KAZN: variants seen among roughly 807,000 people sequenced by gnomAD.
The protein encoded by KAZN is kazrin, periplakin interacting protein.
In KAZN, 40 loss-of-function variants were observed where a neutral mutation model predicts 87.4. The ratio of observed to expected loss-of-function variants is 0.46; its 90% confidence interval spans 0.36 to 0.60. The LOEUF (loss-of-function observed/expected upper bound fraction) is 0.60, where lower values mean the gene tolerates loss of function less well. KAZN is among the 20% of genes least tolerant of loss of function. KAZN has a pLI of 0.00. For synonymous variants in KAZN, 466 were observed against 458.3 expected (o/e 1.02, Z -0.22); for missense variants, 898 against 1,073.9 (o/e 0.84, Z 2.29).
intron 1 of KAZN, among the ~76,000 whole-genome samples, chr1:13,988,164 G>A (rs1182106468): frequency 6.6e-6 from 1 of 152,080 alleles, no homozygotes; most frequent in Non-Finnish European, 1.5e-5. Context: ...CATAACAGAA[G>A]GAGACAAATA....
chr1:14,480,954 TATTA>T (rs1296987929), intron 2 of KAZN, among the ~76,000 whole-genome samples: 1 of 149,094 alleles, frequency 6.7e-6, no homozygotes, highest in South Asian at 2.1e-4. Context: ...ATGTATTATT[TATTA>T]CTTATATATA....
At chr1:14,011,437 AACC>A (rs1640307846) in intron 1 of KAZN, among the ~76,000 whole-genome samples, 1 of 152,128 alleles carries the variant, frequency 6.6e-6, no homozygotes, top group Non-Finnish European at 1.5e-5. Context: ...TGACGACAAA[AACC>A]ACCATGCACT....
At chr1:14,605,240 T>G (rs140323433) in intron 1 of KAZN, among the ~76,000 whole-genome samples, 1 of 152,222 alleles carries the variant, frequency 6.6e-6, no homozygotes, top group Non-Finnish European at 1.5e-5. Context: ...ACTGGTTTCA[T>G]TGCTTTGGTC....
intron 2 of KAZN, among the ~76,000 whole-genome samples, chr1:14,458,296 G>C (rs1667678410): frequency 6.6e-6 from 1 of 152,118 alleles, no homozygotes; most frequent in Non-Finnish European, 1.5e-5. Context: ...TATTCATTGA[G>C]AGCTTACCAT....
intron 1 of KAZN, among the ~76,000 whole-genome samples, chr1:14,887,619 A>G (rs545245235): frequency 2.0e-5 from 3 of 151,188 alleles, no homozygotes; most frequent in African/African-American, 4.9e-5. Context: ...CACCCCCAAG[A>G]CTACCACGAG....
chr1:14,315,876 TTGTA>T (rs1161484260), intron 2 of KAZN, among the ~76,000 whole-genome samples: 2 of 151,470 alleles, frequency 1.3e-5, no homozygotes, highest in East Asian at 2.0e-4. Context: ...GTACAAGTCT[TTGTA>T]TGAACATTTT....
At chr1:14,972,516 CTTT>C (rs35547504) in intron 2 of KAZN, among the ~76,000 whole-genome samples, 4 of 140,858 alleles carry the variant, frequency 2.8e-5, no homozygotes, top group Non-Finnish European at 3.1e-5. Flanking sequence ...AGACTGGGAA[CTTT>C]TTTTTTTTTT....
intron 2 of KAZN, among the ~76,000 whole-genome samples, chr1:14,373,833 A>C (rs1660696085): frequency 6.6e-6 from 1 of 152,188 alleles, no homozygotes; most frequent in African/African-American, 2.4e-5. Flanking sequence ...ATTAAAGATG[A>C]AAGTTGTGCC....
At chr1:14,553,988 C>T (rs1392631021) in intron 2 of KAZN, among the ~76,000 whole-genome samples, 1 of 152,090 alleles carries the variant, frequency 6.6e-6, no homozygotes, top group Non-Finnish European at 1.5e-5. Flanking sequence ...AGTGCTGAAC[C>T]CAAGCTTCTG....
intron 8 of KAZN, among the ~76,000 whole-genome samples, chr1:15,078,977 G>A (rs576438591): frequency 1.2e-4 from 19 of 152,318 alleles, no homozygotes; most frequent in African/African-American, 4.1e-4. Context: ...AGTGAAAGCC[G>A]CTCACCACTG....
At chr1:15,001,015 G>C in intron 2 of KAZN, among the ~76,000 whole-genome samples, 1 of 103,980 alleles carries the variant, frequency 9.6e-6, no homozygotes, top group East Asian at 4.7e-4. Context: ...AGGCAGGAGA[G>C]TCGCTTGAGC....
intron 1 of KAZN, among the ~76,000 whole-genome samples, chr1:14,750,489 T>C (rs1390295904): frequency 6.6e-6 from 1 of 152,066 alleles, no homozygotes; most frequent in African/African-American, 2.4e-5. Flanking sequence ...CTAGGAGTGC[T>C]CATAACTTGC....
rs112703683 is a variant in KAZN at position 14,181,222 on chromosome 1, T to C, written c.249+630T>C. Reference sequence around the variant, plus strand: ...TGTTTTAAGAGAATTGATAGTTTTCTGTGTTAGGGAAGCCAAACTGAGCTA... The same window carrying C: ...TGTTTTAAGAGAATTGATAGTTTTCCGTGTTAGGGAAGCCAAACTGAGCTA... On this transcript the variant is annotated intron_variant, in intron 2 of 16. Coordinates refer to the KAZN transcript ENST00000636203. Among the ~76,000 whole-genome samples the C allele has an allele frequency of 2.1e-3, 324 of 152,354 alleles. 3 individuals are homozygous for C. The highest frequency in any genetic ancestry group is 7.5e-3 in the African/African-American group (311 of 41,584).
At chr1:14,077,168 G>C (rs1298587998) in intron 1 of KAZN, among the ~76,000 whole-genome samples, 2 of 152,140 alleles carry the variant, frequency 1.3e-5, no homozygotes, top group Non-Finnish European at 2.9e-5. Flanking sequence ...TGGGGCTTTA[G>C]GCTGTTCCCA....
intron 2 of KAZN, among the ~76,000 whole-genome samples, chr1:14,430,923 C>A (rs1351202707): frequency 6.6e-6 from 1 of 152,240 alleles, no homozygotes; most frequent in African/African-American, 2.4e-5. Flanking sequence ...CACATCTCAG[C>A]TCTGTCGCCA....
intron 2 of KAZN, among the ~76,000 whole-genome samples, chr1:14,549,779 G>C (rs1404492768): frequency 1.3e-5 from 2 of 148,738 alleles, no homozygotes; most frequent in East Asian, 4.1e-4. Flanking sequence ...ACAGGCACAA[G>C]GCCTGTATCC....
At chr1:14,019,152 GA>G (rs1369973591) in intron 1 of KAZN, among the ~76,000 whole-genome samples, 1 of 152,186 alleles carries the variant, frequency 6.6e-6, no homozygotes, top group East Asian at 1.9e-4. Context: ...TTACTGATTA[GA>G]AACGACTTGT....
At chr1:15,063,339 C>A in intron 6 of KAZN, 2 of 557,092 alleles carry the variant, frequency 3.6e-6, no homozygotes, top group South Asian at 2.3e-5. Context: ...GTTGAGAGGC[C>A]AGACTGGGCA....
chr1:14,949,049 C>T lies in KAZN; in HGVS notation c.227-11635C>T, dbSNP rs1052179082. ...GCACATGCCTGTAATCCCAGCTACT[C>T]GGGAAGCTGAGTCAGGGCACTTGAA... On this transcript the variant is annotated intron_variant, in intron 1 of 14. Coordinates refer to ENST00000376030, the MANE Select transcript of KAZN (RefSeq NM_201628.3). The surrounding 1 kb of genome is among the most constrained non-coding windows in gnomAD (Gnocchi z 4.3). Among the ~76,000 whole-genome samples, 3 of 151,846 alleles carry T rather than the reference C, an allele frequency of 2.0e-5. No homozygotes were observed. The highest frequency in any genetic ancestry group is 2.9e-5 in the Non-Finnish European group (2 of 67,960).
Sources: gnomAD v4.1 joint callset for allele counts (sites outside exome capture counted in the v4.1 genomes callset) on GRCh38, gnomAD v4.1.1 for gene constraint, Gnocchi (gnomAD v3.1) non-coding constraint, MANE v1.5 for transcripts, NCBI Gene and HGNC (gene_info 2026-07-23, HGNC 2026-07-21) for gene names.